CLDN10: variants seen among roughly 807,000 people sequenced by gnomAD.
CLDN10 encodes claudin 10.
Under a neutral mutation model 22.9 loss-of-function variants are expected in CLDN10, and 15 were observed. The observed-to-expected ratio is 0.65, with a 90% CI of 0.44 to 1.01. CLDN10 has a LOEUF of 1.01. Among genes scored for constraint, CLDN10 ranks in the 50% least tolerant of loss-of-function variants. The pLI is 0.00. For missense variants in CLDN10, 247 were observed against 287.8 expected (o/e 0.86, Z 1.03); for synonymous variants, 114 against 111.4 (o/e 1.02, Z -0.15).
intron 3 of CLDN10, among the ~76,000 whole-genome samples, chr13:95,567,114 G>T (rs537810345): frequency 1.3e-5 from 2 of 152,144 alleles, no homozygotes; most frequent in South Asian, 4.2e-4. Flanking sequence ...GCTCTCTTTT[G>T]GTTTCATATG....
At chr13:95,519,571 T>C (rs540876003) in intron 1 of CLDN10, among the ~76,000 whole-genome samples, 2 of 152,322 alleles carry the variant, frequency 1.3e-5, no homozygotes, top group South Asian at 2.1e-4. Flanking sequence ...TGTAGAAACA[T>C]TGGCCAGAGA....
At chr13:95,506,940 TG>T (rs751899888) in intron 1 of CLDN10, among the ~76,000 whole-genome samples, 1 of 152,032 alleles carries the variant, frequency 6.6e-6, no homozygotes, top group Non-Finnish European at 1.5e-5. Flanking sequence ...CACGAGGAAT[TG>T]GGGCCGGGCT....
At chr13:95,509,559 G>C (rs932529720) in intron 1 of CLDN10, among the ~76,000 whole-genome samples, 4 of 152,176 alleles carry the variant, frequency 2.6e-5, no homozygotes, top group African/African-American at 4.8e-5. Context: ...AAGTGACTGG[G>C]TGACATAGCA....
chr13:95,475,744 C>T (rs2042679115), intron 1 of CLDN10, among the ~76,000 whole-genome samples: 1 of 152,148 alleles, frequency 6.6e-6, no homozygotes, highest in Admixed American at 6.5e-5. Context: ...CTCATGTGCT[C>T]TCATGATCCC....
intron 1 of CLDN10, among the ~76,000 whole-genome samples, chr13:95,495,923 A>T (rs909268912): frequency 6.6e-6 from 1 of 152,112 alleles, no homozygotes; most frequent in African/African-American, 2.4e-5. Context: ...TTAATACTGG[A>T]CTGTTCTTTC....
intron 1 of CLDN10, among the ~76,000 whole-genome samples, chr13:95,443,481 G>A (rs371185623): frequency 1.9e-4 from 29 of 152,302 alleles, no homozygotes; most frequent in Admixed American, 3.9e-4. Flanking sequence ...CGTCGATCCC[G>A]AGAAGCGGGA....
At chr13:95,462,529 TG>T (rs1356260909) in intron 1 of CLDN10, among the ~76,000 whole-genome samples, 2 of 152,146 alleles carry the variant, frequency 1.3e-5, no homozygotes, top group Non-Finnish European at 2.9e-5. Flanking sequence ...GGACCTAGGG[TG>T]GGCACAGCCC....
At chr13:95,576,704 A>C (rs185879046) in intron 3 of CLDN10, among the ~76,000 whole-genome samples, 1 of 152,112 alleles carries the variant, frequency 6.6e-6, no homozygotes, top group Non-Finnish European at 1.5e-5. Flanking sequence ...CATATGGGAG[A>C]TCCTTAATAG....
intron 3 of CLDN10, among the ~76,000 whole-genome samples, chr13:95,571,824 A>G (rs1036949826): frequency 2.6e-5 from 4 of 152,144 alleles, no homozygotes; most frequent in African/African-American, 9.7e-5. Flanking sequence ...TACTTTCTGG[A>G]TTTTAAACTT....
chr13:95,547,439 T>A (rs1200241066), intron 1 of CLDN10, among the ~76,000 whole-genome samples: 1 of 152,292 alleles, frequency 6.6e-6, no homozygotes. Flanking sequence ...ATACCATTTT[T>A]ATGAAAAAAT....
intron 1 of CLDN10, among the ~76,000 whole-genome samples, chr13:95,469,267 G>A (rs1262181889): frequency 2.0e-5 from 3 of 152,082 alleles, no homozygotes; most frequent in African/African-American, 7.2e-5. Context: ...GAAATGATGT[G>A]CCATGGAGAG....
chr13:95,564,814 A>G (rs1283300439), intron 3 of CLDN10, among the ~76,000 whole-genome samples: 1 of 152,204 alleles, frequency 6.6e-6, no homozygotes, highest in Non-Finnish European at 1.5e-5. Context: ...CAGCAGGCAC[A>G]TGGCAGGCAG....
At chr13:95,498,562 T>G (rs1358393456) in intron 1 of CLDN10, among the ~76,000 whole-genome samples, 1 of 151,976 alleles carries the variant, frequency 6.6e-6, no homozygotes, top group East Asian at 1.9e-4. Context: ...GCCTGGCTGA[T>G]TTTTGTATTT....
chr13:95,505,468 G>A (rs868604582), intron 1 of CLDN10, among the ~76,000 whole-genome samples: 3 of 152,174 alleles, frequency 2.0e-5, no homozygotes, highest in Non-Finnish European at 4.4e-5. Context: ...GCTCTCATTC[G>A]TATAAGGACT....
At chr13:95,460,574 C>A (rs542283215) in intron 1 of CLDN10, among the ~76,000 whole-genome samples, 5 of 152,130 alleles carry the variant, frequency 3.3e-5, no homozygotes, top group Admixed American at 6.5e-5. Flanking sequence ...ACAAGAACAG[C>A]GTGGGGAAAA....
chr13:95,554,158 C>T (rs2043604634), intron 1 of CLDN10, among the ~76,000 whole-genome samples: 1 of 152,068 alleles, frequency 6.6e-6, no homozygotes, highest in Non-Finnish European at 1.5e-5. Context: ...CGCCCGGGTC[C>T]GTGTCCTGTT....
At chr13:95,465,190 T>TA (rs1397975651) in intron 1 of CLDN10, among the ~76,000 whole-genome samples, 2 of 152,142 alleles carry the variant, frequency 1.3e-5, no homozygotes, top group Non-Finnish European at 2.9e-5. Context: ...AGAAGCCCCT[T>TA]ATTAAACCAT....
intron 1 of CLDN10, among the ~76,000 whole-genome samples, chr13:95,482,031 A>G (rs575575878): frequency 6.6e-5 from 10 of 152,182 alleles, no homozygotes; most frequent in African/African-American, 2.4e-4. Context: ...AAAAGTAAAA[A>G]CTCAATCATA....
At chr13:95,477,446 C>T (rs1258525000) in intron 1 of CLDN10, among the ~76,000 whole-genome samples, 2 of 152,070 alleles carry the variant, frequency 1.3e-5, no homozygotes, top group Non-Finnish European at 2.9e-5. Flanking sequence ...GGTTGGTTTT[C>T]ATTTGAAAAG....
Sources: gnomAD v4.1 joint callset for allele counts (sites outside exome capture counted in the v4.1 genomes callset) on GRCh38, gnomAD v4.1.1 for gene constraint, MANE v1.5 for transcripts, NCBI Gene and HGNC (gene_info 2026-07-23, HGNC 2026-07-21) for gene names.